SGCZ: variants seen among roughly 807,000 people sequenced by gnomAD.
SGCZ encodes sarcoglycan zeta, also known as zeta-sarcoglycan.
A neutral mutation model predicts 41.3 loss-of-function variants in SGCZ; 40 were observed. That is an observed-to-expected ratio of 0.97 (90% CI 0.75 to 1.26). SGCZ has a LOEUF of 1.26. SGCZ is among the 50% of genes most tolerant of loss of function. The probability of loss-of-function intolerance (pLI) is 0.00; values close to 1 mark genes in which losing one functional copy is unlikely to be tolerated. For synonymous variants in SGCZ, 206 were observed against 137.5 expected, an observed-to-expected ratio of 1.50 and a Z score of -3.49; for missense variants, 552 against 369.8, an observed-to-expected ratio of 1.49 and a Z score of -4.04.
At chr8:15,157,759 C>T (rs1799376383) in intron 1 of SGCZ, among the ~76,000 whole-genome samples, 1 of 152,170 alleles carries the variant, frequency 6.6e-6, no homozygotes, top group African/African-American at 2.4e-5. Context: ...GTGGACCTAG[C>T]ACTTAGCACT....
chr8:14,984,714 C>T (rs1010619777), intron 1 of SGCZ, among the ~76,000 whole-genome samples: 3 of 151,958 alleles, frequency 2.0e-5, no homozygotes, highest in Non-Finnish European at 2.9e-5. Context: ...AAAATTTGAC[C>T]GAGGTTTCTA....
At chr8:15,176,481 A>T (rs1220251136) in intron 1 of SGCZ, among the ~76,000 whole-genome samples, 1 of 152,188 alleles carries the variant, frequency 6.6e-6, no homozygotes, top group East Asian at 1.9e-4. Context: ...CTGTATGTGA[A>T]TATACCAAGC....
At chr8:15,156,673 G>T (rs1351365183) in intron 1 of SGCZ, among the ~76,000 whole-genome samples, 1 of 152,106 alleles carries the variant, frequency 6.6e-6, no homozygotes, top group Non-Finnish European at 1.5e-5. Context: ...GCCAGGCGCG[G>T]TGGCTCATGC....
At chr8:14,375,476 T>C (rs749871415) in intron 2 of SGCZ, among the ~76,000 whole-genome samples, 1 of 152,168 alleles carries the variant, frequency 6.6e-6, no homozygotes, top group African/African-American at 2.4e-5. Context: ...CTTTATAATA[T>C]ATTAGGTCAC....
chr8:14,644,261 A>G (rs1236591222), intron 1 of SGCZ, among the ~76,000 whole-genome samples: 3 of 151,698 alleles, frequency 2.0e-5, no homozygotes, highest in Admixed American at 6.6e-5. Flanking sequence ...ATTGCCCTCC[A>G]TAAAGTGAGT....
intron 3 of SGCZ, among the ~76,000 whole-genome samples, chr8:14,307,000 G>C (rs1036058887): frequency 2.0e-5 from 3 of 152,116 alleles, no homozygotes; most frequent in Admixed American, 6.6e-5. Context: ...TTATACCTAA[G>C]TTAAATTGAA....
At chr8:15,129,152 A>G (rs1014284085) in intron 1 of SGCZ, among the ~76,000 whole-genome samples, 1 of 152,150 alleles carries the variant, frequency 6.6e-6, no homozygotes, top group African/African-American at 2.4e-5. Context: ...TTTATTTGAC[A>G]CTGGTCAGTG....
chr8:15,154,113 G>T (rs1280012894), intron 1 of SGCZ, among the ~76,000 whole-genome samples: 2 of 152,086 alleles, frequency 1.3e-5, no homozygotes, highest in African/African-American at 4.8e-5. Flanking sequence ...CCTGCATGTG[G>T]CCCGGTTCCT....
intron 5 of SGCZ, among the ~76,000 whole-genome samples, chr8:14,144,978 G>A (rs1272923313): frequency 6.6e-6 from 1 of 152,114 alleles, no homozygotes; most frequent in Admixed American, 6.5e-5. Flanking sequence ...AGAACACCAG[G>A]TAGACTTCTA....
intron 5 of SGCZ, among the ~76,000 whole-genome samples, chr8:14,159,015 C>G (rs922653634): frequency 6.6e-6 from 1 of 152,132 alleles, no homozygotes; most frequent in African/African-American, 2.4e-5. Flanking sequence ...ATGATCTGCC[C>G]TCCTTGGCCT....
At chr8:14,323,011 T>G (rs1801978848) in intron 3 of SGCZ, among the ~76,000 whole-genome samples, 1 of 152,170 alleles carries the variant, frequency 6.6e-6, no homozygotes. Context: ...ATCTGTCTAC[T>G]GTGTTACTTG....
At chr8:14,679,646 G>A (rs1808381277) in intron 1 of SGCZ, among the ~76,000 whole-genome samples, 1 of 151,920 alleles carries the variant, frequency 6.6e-6, no homozygotes, top group Middle Eastern at 3.4e-3. Context: ...AAATAAAACA[G>A]TTACAGTAAG....
At chr8:14,858,846 T>C (rs1027262044) in intron 1 of SGCZ, among the ~76,000 whole-genome samples, 2 of 152,204 alleles carry the variant, frequency 1.3e-5, no homozygotes, top group Non-Finnish European at 2.9e-5. Flanking sequence ...AAAAACGAGT[T>C]TTATATCAAG....
chr8:14,460,224 TAC>T (rs1214662016), intron 2 of SGCZ, among the ~76,000 whole-genome samples: 8 of 152,288 alleles, frequency 5.3e-5, no homozygotes, highest in African/African-American at 1.9e-4. Context: ...AAATATGAGG[TAC>T]TTTTTACTAC....
At chr8:14,369,125 T>C (rs1585414901) in intron 2 of SGCZ, among the ~76,000 whole-genome samples, 1 of 151,904 alleles carries the variant, frequency 6.6e-6, no homozygotes, top group Admixed American at 6.6e-5. Context: ...AATTAACACC[T>C]ATAGTGATAT....
At chr8:15,074,134 A>C (rs1805448736) in intron 1 of SGCZ, among the ~76,000 whole-genome samples, 1 of 152,154 alleles carries the variant, frequency 6.6e-6, no homozygotes, top group South Asian at 2.1e-4. Context: ...TCCAACCGTC[A>C]CTGACTCCCA....
chr8:15,017,200 A>G (rs1211501145), intron 1 of SGCZ, among the ~76,000 whole-genome samples: 1 of 152,124 alleles, frequency 6.6e-6, no homozygotes, highest in African/African-American at 2.4e-5. Flanking sequence ...CTTTCCCACA[A>G]TTTAGTTGCC....
chr8:14,162,840 G>GAATTTCATCACCATTTAAT (rs1224737908), intron 5 of SGCZ, among the ~76,000 whole-genome samples: 1 of 152,150 alleles, frequency 6.6e-6, no homozygotes, highest in Non-Finnish European at 1.5e-5. Context: ...AATCCCTGTT[G>GAATTTCATCACCATTTAAT]AATTTCATCA....
intron 1 of SGCZ, among the ~76,000 whole-genome samples, chr8:14,795,174 T>C (rs760959460): frequency 1.4e-4 from 21 of 152,170 alleles, no homozygotes; most frequent in Admixed American, 1.3e-4. Flanking sequence ...AAATATTGTT[T>C]AACATAGGAT....
Sources: allele counts gnomAD v4.1 joint callset (sites outside exome capture counted in the v4.1 genomes callset), GRCh38; gene constraint gnomAD v4.1.1; transcripts MANE v1.5; gene names NCBI Gene and HGNC (gene_info 2026-07-23, HGNC 2026-07-21).